The following ZFPM2 variants were observed in gnomAD, a reference collection of about 807,000 sequenced individuals.
ZFPM2 encodes the protein zinc finger protein ZFPM2.
A neutral mutation model predicts 98.6 loss-of-function variants in ZFPM2; 20 were observed. The ratio of observed to expected loss-of-function variants is 0.20; its 90% CI spans 0.14 to 0.29. The LOEUF (loss-of-function observed/expected upper bound fraction) is 0.29. Among genes scored for constraint, ZFPM2 ranks in the 10% least tolerant of loss-of-function variants. ZFPM2 has a pLI of 1.00. For missense variants in ZFPM2, 1,310 were observed against 1,388.6 expected (o/e 0.94, Z 0.90); for synonymous variants, 518 against 502.7 (o/e 1.03, Z -0.41).
chr8:105,436,186 A>G (rs990262121), intron 2 of ZFPM2, among the ~76,000 whole-genome samples: 5 of 152,200 alleles, frequency 3.3e-5, no homozygotes, highest in African/African-American at 1.2e-4. Flanking sequence ...TAGGGAAAAA[A>G]TAATGCTTAT....
chr8:105,601,569 G>A (rs1245556368), intron 4 of ZFPM2, among the ~76,000 whole-genome samples: 1 of 152,062 alleles, frequency 6.6e-6, no homozygotes, highest in Admixed American at 6.6e-5. Flanking sequence ...TCTTCTAAAA[G>A]TAGAGATAAC....
At chr8:105,611,673 C>T (rs1816309551) in intron 4 of ZFPM2, among the ~76,000 whole-genome samples, 1 of 151,696 alleles carries the variant, frequency 6.6e-6, no homozygotes, top group South Asian at 2.1e-4. Context: ...TCTCCTTTTC[C>T]CTCCTTTAAC....
intron 1 of ZFPM2, among the ~76,000 whole-genome samples, chr8:105,396,202 T>A (rs1811215392): frequency 2.0e-5 from 3 of 151,896 alleles, no homozygotes; most frequent in Non-Finnish European, 2.9e-5. Flanking sequence ...GACATAGGGG[T>A]GTGTGTTGAG....
intron 1 of ZFPM2, among the ~76,000 whole-genome samples, chr8:105,395,936 A>G (rs1449969072): frequency 6.6e-6 from 1 of 152,216 alleles, no homozygotes; most frequent in Non-Finnish European, 1.5e-5. Context: ...GATACTTCAT[A>G]TTACGACTTC....
intron 6 of ZFPM2, among the ~76,000 whole-genome samples, chr8:105,790,686 G>A (rs1813582432): frequency 6.6e-6 from 1 of 152,206 alleles, no homozygotes; most frequent in Admixed American, 6.5e-5. Context: ...ACCTTGGGCA[G>A]TATGGCCATT....
chr8:105,447,785 C>T (rs751249044), intron 3 of ZFPM2, among the ~76,000 whole-genome samples: 18 of 151,972 alleles, frequency 1.2e-4, no homozygotes, highest in Admixed American at 4.6e-4. Flanking sequence ...TGATTGACGA[C>T]GACTCCACAA....
intron 1 of ZFPM2, 111 bp downstream of exon 1, chr8:105,319,092 TC>T: frequency 7.8e-7 from 1 of 1,280,664 alleles, no homozygotes; most frequent in African/African-American, 1.5e-5. Flanking sequence ...CCGCTCCCGG[TC>T]CCCTAGATGT....
intron 1 of ZFPM2, among the ~76,000 whole-genome samples, chr8:105,355,945 G>A (rs1461294362): frequency 6.6e-6 from 1 of 152,176 alleles, no homozygotes; most frequent in Non-Finnish European, 1.5e-5. Flanking sequence ...TGTACTGAAA[G>A]TATAATACTG....
chr8:105,743,559 T>C (rs1239029692), intron 5 of ZFPM2, among the ~76,000 whole-genome samples: 1 of 151,954 alleles, frequency 6.6e-6, no homozygotes, highest in East Asian at 1.9e-4. Flanking sequence ...GGTGGGGGTG[T>C]TGGAGCATGG....
chr8:105,691,677 T>C (rs1241524339), intron 5 of ZFPM2, among the ~76,000 whole-genome samples: 1 of 152,224 alleles, frequency 6.6e-6, no homozygotes, highest in Admixed American at 6.5e-5. Flanking sequence ...TGAATTGTCA[T>C]GTTAGTTTAG....
intron 3 of ZFPM2, among the ~76,000 whole-genome samples, chr8:105,463,729 C>G (rs1186158737): frequency 6.6e-6 from 1 of 152,012 alleles, no homozygotes; most frequent in African/African-American, 2.4e-5. Context: ...TGGAAATTTT[C>G]TATCTTCTAA....
In ZFPM2 at chr8:105,598,736, G is replaced by C. The variant is rs1233586545; in HGVS notation, c.421-35510G>C. On this transcript the variant is annotated intron_variant, in intron 4 of 7. Transcript: ENST00000407775. ...AAATCAGTTTTAATTTATTGGGACTGACCAAGAAAGATAATGAAGTCCTTT... is the reference window on the plus strand; with the variant it reads ...AAATCAGTTTTAATTTATTGGGACTCACCAAGAAAGATAATGAAGTCCTTT... Among the ~76,000 whole-genome samples, 2 of 152,174 alleles carry C rather than the reference G, an allele frequency of 1.3e-5. 1 individual carries two copies. The highest frequency in any genetic ancestry group is 4.1e-4 in the South Asian group (2 of 4,820).
intron 1 of ZFPM2, among the ~76,000 whole-genome samples, chr8:105,331,818 A>G (rs1420660408): frequency 6.6e-6 from 1 of 151,802 alleles, no homozygotes; most frequent in African/African-American, 2.4e-5. Flanking sequence ...TACATTTTAA[A>G]AGGTAACAAT....
intron 5 of ZFPM2, among the ~76,000 whole-genome samples, chr8:105,698,115 C>T (rs1395448242): frequency 1.3e-5 from 2 of 152,216 alleles, no homozygotes; most frequent in African/African-American, 4.8e-5. Flanking sequence ...GGTGTGTACT[C>T]AGTAGAAATT....
intron 5 of ZFPM2, among the ~76,000 whole-genome samples, chr8:105,641,212 T>G (rs1195697422): frequency 6.6e-6 from 1 of 151,984 alleles, no homozygotes; most frequent in Non-Finnish European, 1.5e-5. Flanking sequence ...AGCTCAGAGC[T>G]GCAGTGTAAT....
chr8:105,562,436 C>T (rs183380492), intron 4 of ZFPM2, among the ~76,000 whole-genome samples: 1 of 152,242 alleles, frequency 6.6e-6, no homozygotes, highest in Non-Finnish European at 1.5e-5. Context: ...GCCTCAGCAA[C>T]TCACCACAAA....
chr8:105,625,808 C>T (rs1383741710), intron 4 of ZFPM2, among the ~76,000 whole-genome samples: 1 of 151,906 alleles, frequency 6.6e-6, no homozygotes, highest in Admixed American at 6.6e-5. Context: ...GTCTCGAACT[C>T]CTGACCTCAG....
chr8:105,586,848 T>TATATA (rs1563731554), intron 4 of ZFPM2, among the ~76,000 whole-genome samples: 2 of 147,008 alleles, frequency 1.4e-5, no homozygotes, highest in Admixed American at 6.8e-5. Flanking sequence ...TATAAATATT[T>TATATA]TATATATATA....
chr8:105,380,607 A>AT (rs1810829976), intron 1 of ZFPM2, among the ~76,000 whole-genome samples: 1 of 71,350 alleles, frequency 1.4e-5, no homozygotes, highest in South Asian at 3.9e-4. Flanking sequence ...TATATTATAT[A>AT]TATATATATT....
Sources: allele counts gnomAD v4.1 joint callset (sites outside exome capture counted in the v4.1 genomes callset), GRCh38; gene constraint gnomAD v4.1.1; transcripts MANE v1.5; gene names NCBI Gene and HGNC (gene_info 2026-07-23, HGNC 2026-07-21).